VPS13D: variants seen among roughly 807,000 people sequenced by gnomAD.
The protein encoded by VPS13D is vacuolar protein sorting 13 homolog D.
VPS13D carries 187 observed loss-of-function variants against 461.9 expected under a neutral mutation model. The observed-to-expected ratio is 0.40, with a 90% confidence interval of 0.36 to 0.46. VPS13D has a LOEUF of 0.46. VPS13D is among the 20% of genes least tolerant of loss of function. The probability of loss-of-function intolerance (pLI) is 0.60; values close to 1 mark genes in which losing one functional copy is unlikely to be tolerated. For missense variants in VPS13D, 4,711 were observed against 5,364.9 expected (o/e 0.88, Z 3.81); for synonymous variants, 1,951 against 1,986.3 (o/e 0.98, Z 0.47).
At chr1:12,440,380 G>A (rs1056267268) in intron 65 of VPS13D, among the ~76,000 whole-genome samples, 2 of 152,216 alleles carry the variant, frequency 1.3e-5, no homozygotes, top group African/African-American at 4.8e-5. Flanking sequence ...AGCAGGGCTG[G>A]AGCAGCAGCT....
chr1:12,450,055 G>A (rs1557446105), intron 65 of VPS13D, among the ~76,000 whole-genome samples: 2 of 152,120 alleles, frequency 1.3e-5, no homozygotes, highest in African/African-American at 4.8e-5. Context: ...CCCAGGAGGT[G>A]GAGGTTGCAG....
At chr1:12,374,693 G>T (rs1644173073) in intron 55 of VPS13D, among the ~76,000 whole-genome samples, 1 of 152,110 alleles carries the variant, frequency 6.6e-6, no homozygotes, top group Admixed American at 6.5e-5. Flanking sequence ...GTTTTATTCA[G>T]CGTGTTATCT....
intron 67 of VPS13D, among the ~76,000 whole-genome samples, chr1:12,482,205 C>T (rs1645727795): frequency 6.6e-6 from 1 of 152,216 alleles, no homozygotes; most frequent in South Asian, 2.1e-4. Flanking sequence ...GCCTCCCAAT[C>T]TTGGGAGACG....
chr1:12,306,220 G>A (rs984964962), intron 26 of VPS13D, among the ~76,000 whole-genome samples: 5 of 152,124 alleles, frequency 3.3e-5, no homozygotes, highest in African/African-American at 9.7e-5. Context: ...TCCTGACCTC[G>A]TGATCCGCCC....
At position 12,244,099 on chromosome 1, in the gene VPS13D, G is replaced by A. The variant is rs1640470165; in HGVS notation, c.176-147G>A. The A allele has an allele frequency of 4.1e-6, 3 of 736,538 alleles. No individual in the cohort carries two copies. The Admixed American group carries it at 9.2e-5, about 23-fold the overall frequency. 45.6% of individuals were successfully genotyped at this position (736,538 alleles called of 1,614,324 possible). A position where few individuals can be genotyped will look rare whatever the true frequency, so the allele number is the denominator to read the frequency against. On this transcript the variant is annotated intron_variant, in intron 3 of 69. Coordinates refer to ENST00000620676, the MANE Select transcript of VPS13D (RefSeq NM_015378.4). ...CAGCCTCCTAACACTTGTTTCACATGTGCAAGAGCCTGCTGCCTGTTGTTT... is the reference window on the plus strand; with the variant it reads ...CAGCCTCCTAACACTTGTTTCACATATGCAAGAGCCTGCTGCCTGTTGTTT...
At chr1:12,436,718 G>T (rs969915325) in intron 65 of VPS13D, among the ~76,000 whole-genome samples, 21 of 152,150 alleles carry the variant, frequency 1.4e-4, no homozygotes, top group Non-Finnish European at 2.9e-5. Context: ...GCCCAGGCTG[G>T]AGTGCAATGG....
At chr1:12,327,624 G>A in intron 35 of VPS13D, 24 bp from the exon 36 acceptor site, 1 of 1,612,718 alleles carries the variant, frequency 6.2e-7, no homozygotes, top group Non-Finnish European at 8.5e-7. Context: ...TGGTAGAACT[G>A]ATCACTTCTT....
At chr1:12,490,614 AG>A (rs1645864142) in intron 67 of VPS13D, among the ~76,000 whole-genome samples, 1 of 152,210 alleles carries the variant, frequency 6.6e-6, no homozygotes, top group African/African-American at 2.4e-5. Context: ...GGTCCGAGAT[AG>A]ATGCAGCCCA....
At chr1:12,451,416 G>A (rs945827245) in intron 65 of VPS13D, among the ~76,000 whole-genome samples, 1 of 152,200 alleles carries the variant, frequency 6.6e-6, no homozygotes, top group Admixed American at 6.5e-5. Context: ...ATGTGTTGAA[G>A]TGAAAGGAAG....
chr1:12,254,513 C>CTTTTTTT (rs1017635589), intron 7 of VPS13D, among the ~76,000 whole-genome samples: 12 of 78,244 alleles, frequency 1.5e-4, no homozygotes, highest in Non-Finnish European at 2.3e-4. Context: ...AAATCTCAAT[C>CTTTTTTT]TTTTTTTTTT....
chr1:12,432,282 A>G (rs1202466992), intron 65 of VPS13D, among the ~76,000 whole-genome samples: 1 of 151,972 alleles, frequency 6.6e-6, no homozygotes, highest in South Asian at 2.1e-4. Context: ...AATTCCAGCT[A>G]CTTGGAAGGC....
intron 11 of VPS13D, 53 bp from the exon 12 acceptor site, chr1:12,260,895 C>T: frequency 6.2e-7 from 1 of 1,612,612 alleles, no homozygotes; most frequent in Non-Finnish European, 8.5e-7. Flanking sequence ...CAGCATATCA[C>T]AGCTTGCTTT....
chr1:12,285,584 G>A (rs775396541), intron 21 of VPS13D, among the ~76,000 whole-genome samples: 1 of 151,880 alleles, frequency 6.6e-6, no homozygotes, highest in Admixed American at 6.6e-5. Flanking sequence ...GCCACTGCGC[G>A]TTGCCTGCTG....
chr1:12,308,098 G>A (rs1642618273), intron 26 of VPS13D, among the ~76,000 whole-genome samples: 2 of 152,182 alleles, frequency 1.3e-5, no homozygotes, highest in South Asian at 2.1e-4. Context: ...GGGAGGGATT[G>A]CCTATGGAGT....
At chr1:12,407,952 A>G (rs529920718) in intron 63 of VPS13D, among the ~76,000 whole-genome samples, 3 of 152,358 alleles carry the variant, frequency 2.0e-5, no homozygotes, top group Admixed American at 6.5e-5. Flanking sequence ...CGCTCAAAGT[A>G]GTATTGGCAA....
intron 63 of VPS13D, among the ~76,000 whole-genome samples, chr1:12,410,324 C>T (rs1644707630): frequency 6.6e-6 from 1 of 152,188 alleles, no homozygotes; most frequent in South Asian, 2.1e-4. Flanking sequence ...TAAAGGACTA[C>T]ACCAGGCCTC....
At chr1:12,250,519 C>T (rs1347194846) in intron 6 of VPS13D, among the ~76,000 whole-genome samples, 3 of 152,232 alleles carry the variant, frequency 2.0e-5, no homozygotes, top group Admixed American at 6.5e-5. Context: ...TGTATTCCAT[C>T]TGCCCATTTT....
intron 19 of VPS13D, among the ~76,000 whole-genome samples, chr1:12,278,536 A>C (rs1348370894): frequency 1.3e-5 from 2 of 152,260 alleles, no homozygotes; most frequent in East Asian, 3.9e-4. Flanking sequence ...CGGCCTCCCA[A>C]AGTGTTGGGA....
In VPS13D at chr1:12,242,750, C is replaced by G. The variant is rs566837555; in HGVS notation, c.175+160C>G. On this transcript the variant is annotated intron_variant, in intron 3 of 69. Coordinates refer to ENST00000620676, the MANE Select transcript of VPS13D (RefSeq NM_015378.4). ...CTTAAAGTGTGGTCTTTGGGCCACTCGTATCAGGATGACCTTGTGATGGTG... is the reference window on the plus strand; with the variant it reads ...CTTAAAGTGTGGTCTTTGGGCCACTGGTATCAGGATGACCTTGTGATGGTG... Among the ~76,000 whole-genome samples, 5 of 152,138 alleles carry G rather than the reference C, an allele frequency of 3.3e-5. No homozygotes were observed. In the South Asian group the frequency reaches 1.0e-3, roughly 32 times the overall value.
Sources: gnomAD v4.1 joint callset for allele counts (sites outside exome capture counted in the v4.1 genomes callset) on GRCh38, gnomAD v4.1.1 for gene constraint, MANE v1.5 for transcripts, NCBI Gene and HGNC (gene_info 2026-07-23, HGNC 2026-07-21) for gene names.